The following DHX8 variants were observed in gnomAD, a reference collection of about 807,000 sequenced individuals.
The protein encoded by DHX8 is DEAH-box helicase 8.
In DHX8, 67 loss-of-function variants were observed where a neutral mutation model predicts 140.7. That is an observed-to-expected ratio of 0.48 (90% CI 0.39 to 0.58). The LOEUF (loss-of-function observed/expected upper bound fraction) is 0.58, where lower values mean the gene tolerates loss of function less well. Among genes scored for constraint, DHX8 ranks in the 20% least tolerant of loss-of-function variants. The pLI, the probability that DHX8 is intolerant of heterozygous loss-of-function variation, is 0.00. For synonymous variants in DHX8, 533 were observed against 553.2 expected (o/e 0.96, Z 0.51); for missense variants, 887 against 1,550.7 (o/e 0.57, Z 7.19).
intron 15 of DHX8, 109 bp from the exon 16 acceptor site, chr17:43,508,230 A>T: frequency 7.1e-7 from 1 of 1,411,450 alleles, no homozygotes; most frequent in East Asian, 2.3e-5. Context: ...TGGTCAGAAT[A>T]TGAATGCATA....
At chr17:43,495,467 C>T (rs2089787563) in intron 8 of DHX8, among the ~76,000 whole-genome samples, 1 of 152,050 alleles carries the variant, frequency 6.6e-6, no homozygotes. Context: ...TTTGTAGAGA[C>T]AGTCTTGCCG....
chr17:43,534,096 C>G, intron 2 of DHX8: 1 of 1,183,312 alleles, frequency 8.5e-7, no homozygotes, highest in South Asian at 2.1e-5. Flanking sequence ...GGTACAGCCT[C>G]CTTCCCTCTC....
chr17:43,514,905 A>G (rs997166365), intron 17 of DHX8, among the ~76,000 whole-genome samples: 2 of 152,192 alleles, frequency 1.3e-5, no homozygotes, highest in Non-Finnish European at 1.5e-5. Context: ...AAGTGAGCCT[A>G]CAAAACAGCA....
downstream of DHX8, chr17:43,530,003 C>A (rs779942747): frequency 1.2e-6 from 2 of 1,612,184 alleles, no homozygotes; most frequent in South Asian, 1.1e-5. Flanking sequence ...ACCGATGAGA[C>A]CCCAGAGAGT....
chr17:43,526,383 G>A (rs573917714), downstream of DHX8: 25 of 1,501,138 alleles, frequency 1.7e-5, 1 homozygote, highest in South Asian at 2.3e-4. Context: ...TGTGTATATG[G>A]CAGGACCGTC....
chr17:43,529,166 C>T (rs767623627), downstream of DHX8: 3 of 1,613,970 alleles, frequency 1.9e-6, no homozygotes, highest in East Asian at 2.2e-5. Flanking sequence ...ATAATAGTAT[C>T]GGAGCGAGCG....
In DHX8 at chr17:43,508,445, C is replaced by T; in HGVS notation, c.2427C>T (p.Ile809=). The change falls in exon 16 of 23, where the codon ATC becomes ATT. Residue 809 remains isoleucine, a synonymous_variant. Coordinates refer to ENST00000262415, the MANE Select transcript of DHX8 (RefSeq NM_004941.3). Reference sequence around the variant, plus strand: ...GACCTGATGTTCCAGAGTTAATTATCCTCCCAGTGTACTCTGCTCTTCCCA... The same window carrying T: ...GACCTGATGTTCCAGAGTTAATTATTCTCCCAGTGTACTCTGCTCTTCCCA... ...SLGPDVPELI[I]LPVYSALPSE... The T allele has an allele frequency of 5.0e-6, 8 of 1,613,844 alleles. No homozygotes were observed. The highest frequency in any genetic ancestry group is 1.6e-4 in the Middle Eastern group (1 of 6,062).
chr17:43,491,325 T>C, intron 4 of DHX8, 75 bp downstream of exon 4: 1 of 824,522 alleles, frequency 1.2e-6, no homozygotes, highest in Non-Finnish European at 1.8e-6. Flanking sequence ...ATAGTAATTT[T>C]ATTAATTTTA....
downstream of DHX8, chr17:43,526,302 T>A: frequency 1.4e-6 from 2 of 1,398,804 alleles, no homozygotes; most frequent in East Asian, 5.3e-5. Context: ...TAAAGTATAT[T>A]GTTCACCCCC....
chr17:43,493,437 TC>T lies in DHX8; in HGVS notation c.864-5del, dbSNP rs762908963. 6.2e-7 allele frequency: 1 copy of T among 1,614,012 alleles called. No individual in the cohort carries two copies. The highest frequency in any genetic ancestry group is 8.5e-7 in the Non-Finnish European group (1 of 1,179,968). On this transcript the variant is annotated splice_polypyrimidine_tract_variant and splice_region_variant and intron_variant, in intron 6 of 22. Coordinates refer to ENST00000262415, the MANE Select transcript of DHX8 (RefSeq NM_004941.3). Reference sequence around the variant, plus strand: ...GGCATGTTCCAGATGTGTCTGGCTCTCCCTCAGGAAGCGGTGGGAAGGCCTG... The same window carrying T: ...GGCATGTTCCAGATGTGTCTGGCTCTCCTCAGGAAGCGGTGGGAAGGCCTG...
Position 43,517,223 on chromosome 17 carries a change from C to T in DHX8, c.2700C>T (p.Tyr900=). The change falls in exon 18 of 23, where the codon TAC becomes TAT. Residue 900 remains tyrosine (Y), a synonymous_variant. Coordinates refer to ENST00000262415, the MANE Select transcript of DHX8 (RefSeq NM_004941.3). The stretch of plus-strand genomic sequence containing the variant: ...GGAGAACAGGCCCAGGGAAGTGTTA[C>T]AGGTTGTACACAGAACGTGCCTACC... ...RAGRTGPGKC[Y]RLYTERAYRD... is the part of the protein sequence containing the mutation. The T allele has an allele frequency of 1.9e-6, 3 of 1,614,068 alleles. No homozygotes were observed. The highest frequency in any genetic ancestry group is 2.5e-6 in the Non-Finnish European group (3 of 1,180,016).
At chr17:43,501,145 TATG>T (rs1567683328) in intron 11 of DHX8, among the ~76,000 whole-genome samples, 1 of 152,144 alleles carries the variant, frequency 6.6e-6, no homozygotes, top group African/African-American at 2.4e-5. Context: ...ATAATTAAAT[TATG>T]ATCAGTGCCA....
At chr17:43,491,104 A>G in intron 3 of DHX8, 61 bp from the exon 4 acceptor site, 9 of 687,710 alleles carry the variant, frequency 1.3e-5, no homozygotes, top group South Asian at 3.8e-5. Context: ...TTTGTTAATC[A>G]TTAATAATAT....
chr17:43,509,261 G>A (rs777083034), intron 16 of DHX8, among the ~76,000 whole-genome samples: 1 of 152,120 alleles, frequency 6.6e-6, no homozygotes, highest in Non-Finnish European at 1.5e-5. Context: ...GAAAGGCAAG[G>A]GGACAAGCAT....
intron 3 of DHX8, among the ~76,000 whole-genome samples, chr17:43,539,215 T>C (rs2154587218): frequency 6.6e-6 from 1 of 152,308 alleles, no homozygotes; most frequent in South Asian, 2.1e-4. Context: ...CTCTCTGACC[T>C]GCCTCTCCTT....
intron 17 of DHX8, among the ~76,000 whole-genome samples, chr17:43,515,407 T>C (rs1172955504): frequency 1.3e-5 from 2 of 152,238 alleles, no homozygotes; most frequent in African/African-American, 2.4e-5. Flanking sequence ...CAGGATGGTC[T>C]CCATCTCCTG....
intron 11 of DHX8, among the ~76,000 whole-genome samples, chr17:43,502,529 A>T (rs1161468797): frequency 6.6e-6 from 1 of 152,104 alleles, no homozygotes; most frequent in Non-Finnish European, 1.5e-5. Context: ...GGTTCAAGCG[A>T]TTCTCCTGCC....
chr17:43,512,064 T>C (rs1969873538), intron 16 of DHX8, among the ~76,000 whole-genome samples: 1 of 151,988 alleles, frequency 6.6e-6, no homozygotes, highest in African/African-American at 2.4e-5. Context: ...TATGTTTTCA[T>C]TTCTCTTGGA....
At chr17:43,541,810 A>T (rs1195314230) in intron 3 of DHX8, among the ~76,000 whole-genome samples, 1 of 152,044 alleles carries the variant, frequency 6.6e-6, no homozygotes, top group Non-Finnish European at 1.5e-5. Flanking sequence ...TGTGGAGGGG[A>T]CATATTTGTC....
Sources: gnomAD v4.1 joint callset for allele counts (sites outside exome capture counted in the v4.1 genomes callset) on GRCh38, gnomAD v4.1.1 for gene constraint, MANE v1.5 for transcripts, NCBI Gene and HGNC (gene_info 2026-07-23, HGNC 2026-07-21) for gene names.